ARHGAP35: variants seen among roughly 807,000 people sequenced by gnomAD.
ARHGAP35 encodes Rho GTPase activating protein 35.
ARHGAP35 carries 15 observed loss-of-function variants against 111.1 expected under a neutral mutation model. That is an observed-to-expected ratio of 0.13 (90% CI 0.09 to 0.21). The LOEUF (loss-of-function observed/expected upper bound fraction) is 0.21, where lower values mean the gene tolerates loss of function less well. ARHGAP35 is among the 10% of genes least tolerant of loss of function. The pLI, the probability that ARHGAP35 is intolerant of heterozygous loss-of-function variation, is 1.00. For missense variants in ARHGAP35, 1,262 were observed against 1,873.0 expected, an observed-to-expected ratio of 0.67 and a Z score of 6.02; for synonymous variants, 643 against 710.3, an observed-to-expected ratio of 0.91 and a Z score of 1.51.
intron 3 of ARHGAP35, among the ~76,000 whole-genome samples, chr19:46,952,826 G>A (rs1445279289): frequency 6.6e-6 from 1 of 152,148 alleles, no homozygotes; most frequent in Non-Finnish European, 1.5e-5. Context: ...CCACAGGTGT[G>A]TGCCACCACG....
At chr19:46,927,700 T>G (rs2056246675) in intron 2 of ARHGAP35, among the ~76,000 whole-genome samples, 1 of 152,182 alleles carries the variant, frequency 6.6e-6, no homozygotes, top group Non-Finnish European at 1.5e-5. Flanking sequence ...TATTTATTCC[T>G]CCTCCCAGTC....
intron 3 of ARHGAP35, among the ~76,000 whole-genome samples, chr19:46,942,836 A>G (rs2056356825): frequency 6.6e-6 from 1 of 151,450 alleles, no homozygotes; most frequent in Admixed American, 6.6e-5. Context: ...AAAAAAAAAA[A>G]AGGAAAAGAA....
At chr19:46,861,417 C>T (rs1156963553) in intron 1 of ARHGAP35, among the ~76,000 whole-genome samples, 6 of 149,266 alleles carry the variant, frequency 4.0e-5, no homozygotes, top group Non-Finnish European at 9.0e-5. Context: ...GGCCCTCCTG[C>T]CCTTTGGACC....
rs1278731453 is a variant in ARHGAP35, at chr19:46,918,235, C to A, written c.-188-253C>A. Among the ~76,000 whole-genome samples the A allele has an allele frequency of 2.0e-5, 3 of 152,116 alleles. No individual in the cohort carries two copies. The highest frequency in any genetic ancestry group is 4.4e-5 in the Non-Finnish European group (3 of 68,008). On this transcript the variant is annotated intron_variant, in intron 1 of 6. Transcript: ENST00000672722. This position sits in a 1 kb window ranked among gnomAD's most constrained non-coding sequence, Gnocchi z 5.4. ...ATCAGCCCTTTTTCCAGGGAGCCCT[C>A]ACACCCTTGTTTTAGCACTTAGCAC...
intron 1 of ARHGAP35, among the ~76,000 whole-genome samples, chr19:46,906,574 A>G (rs191812224): frequency 6.6e-6 from 1 of 152,350 alleles, no homozygotes; most frequent in East Asian, 1.9e-4. Context: ...TAAAGTGAAT[A>G]CCAATATAAC....
chr19:46,919,090 C>T lies in ARHGAP35; in HGVS notation c.415C>T (p.Leu139=), dbSNP rs775902820. ...ACTCATGTACTTTTGCACTGACCAGCTGGGGCTGGAGCAGGACTTTGAGCA... is the reference window on the plus strand; with the variant it reads ...ACTCATGTACTTTTGCACTGACCAGTTGGGGCTGGAGCAGGACTTTGAGCA... ...EKLMYFCTDQ[L]GLEQDFEQKQ... The change falls in exon 2 of 7, where the codon CTG becomes TTG. Residue 139 remains leucine, a synonymous_variant. Coordinates refer to ENST00000672722, the MANE Select transcript of ARHGAP35 (RefSeq NM_004491.5). The surrounding 1 kb of genome is among the most constrained non-coding windows in gnomAD (Gnocchi z 6.2). 13 of 1,613,888 alleles carry T rather than the reference C, an allele frequency of 8.1e-6. No homozygotes were observed. The highest frequency in any genetic ancestry group is 2.2e-5 in the South Asian group (2 of 91,092).
chr19:46,931,412 C>A (rs1451100602), intron 2 of ARHGAP35, among the ~76,000 whole-genome samples: 1 of 152,054 alleles, frequency 6.6e-6, no homozygotes, highest in African/African-American at 2.4e-5. Context: ...GTGGACTGGG[C>A]TTACAGCCGA....
In ARHGAP35 at chr19:46,924,294, C is replaced by T. The variant is rs138570970; in HGVS notation, c.3681+1938C>T. Among the ~76,000 whole-genome samples, 1,202 of 152,314 alleles carry T rather than the reference C, an allele frequency of 7.9e-3. 8 individuals carry two copies. The highest frequency in any genetic ancestry group is 0.027 in the African/African-American group (1,126 of 41,564). On this transcript the variant is annotated intron_variant, in intron 2 of 6. Transcript: ENST00000672722. ...TACAGAGGCCAGTTTGGCAGCCCTG[C>T]GGGCCCCGAGAGATGGAGGAACAGG... is the stretch of plus-strand genomic sequence containing the variant.
chr19:46,999,392 C>T lies in ARHGAP35; in HGVS notation c.4125C>T (p.Val1375=). The T allele has an allele frequency of 6.3e-7, 1 of 1,584,582 alleles. No homozygotes were observed. The highest frequency in any genetic ancestry group is 8.6e-7 in the Non-Finnish European group (1 of 1,164,964). ...AAAACCACGAAGTCTTCAAGTATGT[C>T]ATCTCTCACCTAAACAAGTAAGTCG... ...PKENHEVFKY[V]ISHLNKVSHN... Residue 1375 remains valine, a synonymous_variant, in exon 6 of 7, where the codon GTC becomes GTT. Transcript: ENST00000672722. This position sits in a 1 kb window ranked among gnomAD's most constrained non-coding sequence, Gnocchi z 5.4.
At chr19:46,943,037 T>A (rs1424699306) in intron 3 of ARHGAP35, among the ~76,000 whole-genome samples, 1 of 148,706 alleles carries the variant, frequency 6.7e-6, no homozygotes. Context: ...TTTAATAATG[T>A]GATTTTTTTT....
At chr19:46,907,179 G>A (rs1021875963) in intron 1 of ARHGAP35, among the ~76,000 whole-genome samples, 1 of 152,202 alleles carries the variant, frequency 6.6e-6, no homozygotes, top group East Asian at 1.9e-4. Flanking sequence ...ACGGAGTCTC[G>A]TTCTGTCGCC....
intron 3 of ARHGAP35, among the ~76,000 whole-genome samples, chr19:46,969,736 TA>T (rs969552864): frequency 1.3e-4 from 20 of 151,554 alleles, no homozygotes; most frequent in African/African-American, 4.6e-4. Flanking sequence ...ACGTCTTTCC[TA>T]GGTTCTCTGA....
intron 3 of ARHGAP35, among the ~76,000 whole-genome samples, chr19:46,941,458 C>T (rs886577915): frequency 1.3e-5 from 2 of 151,912 alleles, no homozygotes; most frequent in African/African-American, 4.8e-5. Context: ...GTCCCAGCTA[C>T]CCTGGAGGCC....
chr19:46,933,159 T>TTC (rs2056283022), intron 2 of ARHGAP35, among the ~76,000 whole-genome samples: 1 of 148,536 alleles, frequency 6.7e-6, no homozygotes, highest in South Asian at 2.2e-4. Context: ...TTTTTTTTTT[T>TTC]CCGAGACAGG....
chr19:46,919,143 G>C lies in ARHGAP35; in HGVS notation c.468G>C (p.Leu156=), dbSNP rs1402888562. 1 of 1,613,994 alleles carries C rather than the reference G, an allele frequency of 6.2e-7. No individual in the cohort carries two copies. The highest frequency in any genetic ancestry group is 1.1e-5 in the South Asian group (1 of 91,078). Residue 156 remains leucine (L), a synonymous_variant, in exon 2 of 7, where the codon CTG becomes CTC. Transcript: ENST00000672722. This position sits in a 1 kb window ranked among gnomAD's most constrained non-coding sequence, Gnocchi z 6.2. ...EQKQMPDGKL[L]VDGFLLGIDV... is the part of the protein sequence containing the mutation. Reference sequence around the variant, plus strand: ...AACAAATGCCAGACGGAAAGCTGCTGGTTGATGGTTTTCTTCTTGGTATTG... The same window carrying C: ...AACAAATGCCAGACGGAAAGCTGCTCGTTGATGGTTTTCTTCTTGGTATTG...
At chr19:46,936,679 A>G (rs2056309457) in intron 2 of ARHGAP35, among the ~76,000 whole-genome samples, 2 of 152,078 alleles carry the variant, frequency 1.3e-5, no homozygotes, top group African/African-American at 2.4e-5. Flanking sequence ...TTGTTATTTT[A>G]TTACATAAAC....
chr19:46,909,487 C>G (rs544268981), intron 1 of ARHGAP35, among the ~76,000 whole-genome samples: 1 of 152,246 alleles, frequency 6.6e-6, no homozygotes, highest in South Asian at 2.1e-4. Flanking sequence ...GAATCTGTTG[C>G]ATGAGACGAC....
chr19:46,979,957 A>AG (rs1298041206), intron 3 of ARHGAP35, among the ~76,000 whole-genome samples: 2 of 152,150 alleles, frequency 1.3e-5, no homozygotes, highest in Non-Finnish European at 2.9e-5. Context: ...GGAAGGCAGC[A>AG]GGGGGAGCTG....
intron 1 of ARHGAP35, among the ~76,000 whole-genome samples, chr19:46,900,462 C>T (rs1449566618): frequency 6.6e-6 from 1 of 152,150 alleles, no homozygotes; most frequent in African/African-American, 2.4e-5. Flanking sequence ...CTCAAGTGAT[C>T]CGCCCACCTT....
Sources: allele counts gnomAD v4.1 joint callset (sites outside exome capture counted in the v4.1 genomes callset), GRCh38; gene constraint gnomAD v4.1.1; non-coding constraint Gnocchi (gnomAD v3.1); transcripts MANE v1.5; gene names NCBI Gene and HGNC (gene_info 2026-07-23, HGNC 2026-07-21).